FCHO2: variants seen among roughly 807,000 people sequenced by gnomAD.
FCHO2 encodes FCH and mu domain containing endocytic adaptor 2, also known as F-BAR domain only protein 2.
In FCHO2, 43 loss-of-function variants were observed where a neutral mutation model predicts 114.1. The observed-to-expected ratio is 0.38, with a 90% CI of 0.30 to 0.49. The LOEUF (loss-of-function observed/expected upper bound fraction) is 0.49. FCHO2 is among the 20% of genes least tolerant of loss of function. The pLI is 0.97. For synonymous variants in FCHO2, 293 were observed against 315.2 expected (o/e 0.93, Z 0.75); for missense variants, 807 against 950.4 (o/e 0.85, Z 1.98).
rs1385141845 is a variant in FCHO2 at position 73,029,294 on chromosome 5, G to A, written c.797-5363G>A. 2.0e-5 allele frequency among the ~76,000 whole-genome samples: 3 copies of A among 152,230 alleles called. No homozygotes were observed. In the East Asian group the frequency reaches 5.8e-4, roughly 29 times the overall value. On this transcript the variant is annotated intron_variant, in intron 8 of 25. Transcript: ENST00000430046. ...GACATAAGTACTATAATTGAAAGTA[G>A]AAACAAGGGCTTTATCAGGATCATG...
chr5:73,087,554 T>C (rs202081814), intron 24 of FCHO2, 35 bp from the exon 25 acceptor site: 35 of 1,605,804 alleles, frequency 2.2e-5, no homozygotes, highest in Middle Eastern at 3.3e-4. Context: ...AAATGTATTT[T>C]ACCCTGTGTA....
intron 1 of FCHO2, among the ~76,000 whole-genome samples, chr5:72,960,354 T>C (rs1204165416): frequency 6.6e-6 from 1 of 152,216 alleles, no homozygotes; most frequent in African/African-American, 2.4e-5. Flanking sequence ...GTTTTGTTAT[T>C]GATAAGTCAG....
At chr5:73,019,000 T>C (rs1755464749) in intron 8 of FCHO2, among the ~76,000 whole-genome samples, 1 of 152,188 alleles carries the variant, frequency 6.6e-6, no homozygotes, top group Middle Eastern at 3.2e-3. Flanking sequence ...GGCAATAGCT[T>C]GATTCACTGA....
chr5:73,058,286 C>A, intron 16 of FCHO2, 147 bp from the exon 17 acceptor site: 1 of 484,430 alleles, frequency 2.1e-6, no homozygotes. Flanking sequence ...GTTGGGATTA[C>A]AGGTGTGAGC....
intron 8 of FCHO2, among the ~76,000 whole-genome samples, chr5:73,029,651 C>T (rs1756126261): frequency 2.6e-5 from 4 of 152,120 alleles, no homozygotes; most frequent in Admixed American, 2.6e-4. Flanking sequence ...ATGGTGCTGG[C>T]ATGTGCTTCT....
At chr5:73,008,119 A>G (rs1160442341) in intron 6 of FCHO2, among the ~76,000 whole-genome samples, 1 of 152,214 alleles carries the variant, frequency 6.6e-6, no homozygotes, top group Non-Finnish European at 1.5e-5. Flanking sequence ...TTGGTGCAAA[A>G]GTAATTGTAG....
At chr5:73,026,120 A>G (rs762733125) in intron 8 of FCHO2, among the ~76,000 whole-genome samples, 54 of 152,258 alleles carry the variant, frequency 3.5e-4, no homozygotes, top group Non-Finnish European at 7.1e-4. Flanking sequence ...GCAAGGATCG[A>G]GGTAGAGAGA....
intron 3 of FCHO2, among the ~76,000 whole-genome samples, chr5:72,989,806 G>C (rs1196469651): frequency 6.6e-6 from 1 of 152,130 alleles, no homozygotes; most frequent in East Asian, 1.9e-4. Flanking sequence ...TTGTCTGTAA[G>C]TTCCTATTTA....
chr5:72,970,763 A>G (rs1408790047), intron 2 of FCHO2, among the ~76,000 whole-genome samples: 2 of 151,846 alleles, frequency 1.3e-5, no homozygotes, highest in Non-Finnish European at 2.9e-5. Context: ...GGTTAGTTAC[A>G]TATGTATACA....
rs937042422 is a variant in FCHO2 at position 72,990,391 on chromosome 5, C to A, written c.201-87C>A. ...GCCTAAATAAAGTTGCCATATATACCACTATTATTTCCACTGGTTCCTTGT... is the reference window on the plus strand; with the variant it reads ...GCCTAAATAAAGTTGCCATATATACAACTATTATTTCCACTGGTTCCTTGT... On this transcript the variant is annotated intron_variant, in intron 3 of 25. Transcript: ENST00000430046. The A allele has an allele frequency of 8.8e-5, 87 of 994,056 alleles. 2 individuals are homozygous for A. The highest frequency in any genetic ancestry group is 6.5e-4 in the Middle Eastern group (2 of 3,080). 61.6% of individuals were successfully genotyped at this position (994,056 alleles called of 1,614,324 possible).
At position 73,054,213 on chromosome 5, in the gene FCHO2, A is replaced by G. The variant is rs752502305; in HGVS notation, c.1185+42A>G. ...ATATTTTTGCCCATTGACTTTTAAA[A>G]TCATTGTAATTTTGGAAGATTGACT... On this transcript the variant is annotated intron_variant, in intron 14 of 25. Coordinates refer to ENST00000430046, the MANE Select transcript of FCHO2 (RefSeq NM_138782.3). 17 of 1,455,780 alleles carry G rather than the reference A, an allele frequency of 1.2e-5. No individual in the cohort carries two copies. The Middle Eastern group carries it at 7.0e-4, about 60-fold the overall frequency. 90.2% of individuals were successfully genotyped at this position (1,455,780 alleles called of 1,614,324 possible). A position where few individuals can be genotyped will look rare whatever the true frequency, so the allele number is the denominator to read the frequency against.
At chr5:73,047,993 C>T (rs1420283990) in intron 11 of FCHO2, among the ~76,000 whole-genome samples, 1 of 152,030 alleles carries the variant, frequency 6.6e-6, no homozygotes, top group East Asian at 1.9e-4. Flanking sequence ...TGCCTCCATG[C>T]TCAGCTGATG....
intron 2 of FCHO2, among the ~76,000 whole-genome samples, chr5:72,973,361 A>T (rs1235670743): frequency 6.6e-6 from 1 of 152,064 alleles, no homozygotes; most frequent in South Asian, 2.1e-4. Flanking sequence ...AAGCTATTGA[A>T]TATTGCCACA....
At chr5:73,036,851 C>T (rs1004527709) in intron 9 of FCHO2, among the ~76,000 whole-genome samples, 1 of 152,034 alleles carries the variant, frequency 6.6e-6, no homozygotes, top group African/African-American at 2.4e-5. Context: ...AAGATATCTC[C>T]ATATGCTTAT....
chr5:73,038,592 T>C (rs907150032), intron 10 of FCHO2, among the ~76,000 whole-genome samples: 2 of 152,140 alleles, frequency 1.3e-5, no homozygotes, highest in African/African-American at 4.8e-5. Context: ...AAGAGAACAG[T>C]TTGTGCTTTG....
At chr5:72,962,495 G>A (rs993801872) in intron 1 of FCHO2, among the ~76,000 whole-genome samples, 30 of 152,006 alleles carry the variant, frequency 2.0e-4, no homozygotes, top group African/African-American at 7.0e-4. Context: ...AATAGTTAAC[G>A]GAAGCACCCT....
chr5:72,963,016 T>C, intron 1 of FCHO2, among the ~76,000 whole-genome samples: 1 of 152,148 alleles, frequency 6.6e-6, no homozygotes, highest in Admixed American at 6.5e-5. Context: ...AGACCTGTAA[T>C]GATATCTACT....
Position 73,054,191 on chromosome 5 carries a change from T to C in FCHO2, c.1185+20T>C, listed in dbSNP as rs193212278. The stretch of plus-strand genomic sequence containing the variant: ...AGTCCAGTAAGTACAAGATTTTATA[T>C]TTTTGCCCATTGACTTTTAAAATCA... On this transcript the variant is annotated intron_variant, in intron 14 of 25. Transcript: ENST00000430046. 7,739 of 1,512,406 alleles carry C rather than the reference T, an allele frequency of 5.1e-3. 16 individuals carry two copies. Among genetic ancestry groups the C allele is most frequent in the Non-Finnish European group, 6.5e-3 (7,266 of 1,125,876 alleles). The allele number at this position is 1,512,406 out of a possible 1,614,324, so 93.7% of individuals were successfully genotyped here.
chr5:73,018,931 G>A (rs1304565887), intron 8 of FCHO2, among the ~76,000 whole-genome samples: 1 of 152,136 alleles, frequency 6.6e-6, no homozygotes, highest in Non-Finnish European at 1.5e-5. Flanking sequence ...GTGAATCAGA[G>A]AAAGTCAGCC....
Sources: gnomAD v4.1 joint callset for allele counts (sites outside exome capture counted in the v4.1 genomes callset) on GRCh38, gnomAD v4.1.1 for gene constraint, MANE v1.5 for transcripts, NCBI Gene and HGNC (gene_info 2026-07-23, HGNC 2026-07-21) for gene names.